The following KCNK10 variants were observed in gnomAD, a reference collection of about 807,000 sequenced individuals.
KCNK10 encodes the protein potassium channel subfamily K member 10.
In KCNK10, 25 loss-of-function variants were observed where a neutral mutation model predicts 47.7. That is an observed-to-expected ratio of 0.52 (90% CI 0.38 to 0.73). KCNK10 has a LOEUF of 0.73. Ranked by LOEUF, KCNK10 falls within the 30% of genes least tolerant of loss-of-function variation. The pLI, the probability that KCNK10 is intolerant of heterozygous loss-of-function variation, is 0.00. For missense variants in KCNK10, 563 were observed against 714.5 expected, an observed-to-expected ratio of 0.79 and a Z score of 2.42; for synonymous variants, 303 against 285.6, an observed-to-expected ratio of 1.06 and a Z score of -0.61.
intron 3 of KCNK10, among the ~76,000 whole-genome samples, chr14:88,229,577 C>T (rs1047712788): frequency 2.0e-5 from 3 of 152,112 alleles, no homozygotes; most frequent in African/African-American, 7.2e-5. Context: ...TGGGTAAGAG[C>T]ATGAGTGATG....
At position 88,181,226 on chromosome 14, in the gene KCNK10, C is replaced by G. The variant is rs1287605949; in HGVS notation, c.*4309G>C. 2 of 166,646 alleles carry G rather than the reference C, an allele frequency of 1.2e-5. No homozygotes were observed. The highest frequency in any genetic ancestry group is 4.8e-5 in the African/African-American group (2 of 42,024). 10.3% of individuals were successfully genotyped at this position (166,646 alleles called of 1,614,324 possible). A position where few individuals can be genotyped will look rare whatever the true frequency, so the allele number is the denominator to read the frequency against. ...CACCCAAACTCTGGTCACCTTCTCA[C>G]TAGTCCTCAGAACCCAGCATGCAAA... On this transcript the variant is annotated 3_prime_UTR_variant, in exon 7 of 7. Transcript: ENST00000319231.
chr14:88,222,711 TA>T, intron 4 of KCNK10, among the ~76,000 whole-genome samples: 1 of 152,288 alleles, frequency 6.6e-6, no homozygotes, highest in East Asian at 1.9e-4. Context: ...GCAACTGCTC[TA>T]AAAAAAGATA....
chr14:88,216,567 T>G lies in KCNK10; in HGVS notation c.681+10808A>C, dbSNP rs1885627440. Among the ~76,000 whole-genome samples, 6 of 152,266 alleles carry G rather than the reference T, an allele frequency of 3.9e-5. 1 individual carries two copies. In the South Asian group the frequency reaches 1.2e-3, roughly 32 times the overall value. On this transcript the variant is annotated intron_variant, in intron 4 of 6. Transcript: ENST00000319231. ...CAATAGTATCGAGGCTGAGCAATCC[T>G]ATGTTAAATGAAGGGAGGAAAGAAG... is the stretch of plus-strand genomic sequence containing the variant.
chr14:88,209,218 T>C (rs146495325), intron 4 of KCNK10, among the ~76,000 whole-genome samples: 1,831 of 152,350 alleles, frequency 0.012, 29 homozygotes, highest in African/African-American at 0.041. Context: ...AACACTTTGA[T>C]GCATTTTTAT....
intron 1 of KCNK10, among the ~76,000 whole-genome samples, chr14:88,265,271 G>T (rs1399313919): frequency 6.6e-6 from 1 of 152,138 alleles, no homozygotes; most frequent in East Asian, 1.9e-4. Flanking sequence ...TTGAGATGGG[G>T]GATGATCTTG....
intron 2 of KCNK10, among the ~76,000 whole-genome samples, chr14:88,258,796 C>A (rs940914414): frequency 1.3e-5 from 2 of 152,184 alleles, no homozygotes; most frequent in African/African-American, 4.8e-5. Flanking sequence ...CCACAGTACC[C>A]CATGAAGTGG....
intron 1 of KCNK10, among the ~76,000 whole-genome samples, chr14:88,318,702 C>A (rs1327021724): frequency 2.0e-5 from 3 of 152,088 alleles, no homozygotes; most frequent in Non-Finnish European, 4.4e-5. Flanking sequence ...AAGATCAGAT[C>A]AAGATGGGGA....
chr14:88,261,724 C>T (rs748703927), intron 2 of KCNK10, among the ~76,000 whole-genome samples: 36 of 151,670 alleles, frequency 2.4e-4, no homozygotes, highest in Non-Finnish European at 2.8e-4. Flanking sequence ...CACACCACTG[C>T]ACTCCAGCCT....
intron 1 of KCNK10, among the ~76,000 whole-genome samples, chr14:88,302,721 A>AAAT (rs1566719312): frequency 7.9e-5 from 12 of 152,104 alleles, no homozygotes; most frequent in African/African-American, 2.7e-4. Context: ...AATAAATAAA[A>AAAT]AAATAAATAA....
chr14:88,320,947 A>G (rs1309130639), intron 1 of KCNK10, among the ~76,000 whole-genome samples: 2 of 152,208 alleles, frequency 1.3e-5, no homozygotes, highest in South Asian at 2.1e-4. Flanking sequence ...TCATATCTCA[A>G]AACACAAGCC....
Position 88,278,540 on chromosome 14 carries a change from T to C in KCNK10, c.53-14989A>G, listed in dbSNP as rs138519836. 1.1e-4 allele frequency among the ~76,000 whole-genome samples: 17 copies of C among 152,322 alleles called. No individual in the cohort carries two copies. The East Asian group carries it at 2.5e-3, about 22-fold the overall frequency. On this transcript the variant is annotated intron_variant, in intron 1 of 6. Transcript: ENST00000319231. The stretch of plus-strand genomic sequence containing the variant: ...GAAAGTACCACATGCAAGCTTGCCA[T>C]GTGAGTGAATGCTAAGTGTTGATGC...
chr14:88,319,510 A>G (rs140857145), intron 1 of KCNK10, among the ~76,000 whole-genome samples: 111 of 152,296 alleles, frequency 7.3e-4, no homozygotes, highest in African/African-American at 2.6e-3. Flanking sequence ...CAGAGACCCA[A>G]ACTCTGTCCA....
chr14:88,318,214 C>T (rs989275294), intron 1 of KCNK10, among the ~76,000 whole-genome samples: 4 of 152,206 alleles, frequency 2.6e-5, no homozygotes, highest in African/African-American at 7.2e-5. Flanking sequence ...AGCTGAGAGG[C>T]GTCCTGCAAT....
At chr14:88,307,146 A>G (rs144531157) in intron 1 of KCNK10, among the ~76,000 whole-genome samples, 66 of 152,322 alleles carry the variant, frequency 4.3e-4, no homozygotes, top group Non-Finnish European at 9.0e-4. Context: ...ATCCCAGCTC[A>G]AGCGCTTTCA....
At chr14:88,231,362 G>T (rs1595094385) in intron 3 of KCNK10, among the ~76,000 whole-genome samples, 1 of 152,246 alleles carries the variant, frequency 6.6e-6, no homozygotes, top group African/African-American at 2.4e-5. Context: ...GTTTGATAGG[G>T]ACAACCCTTA....
chr14:88,197,537 G>GCACTC (rs892084175), intron 4 of KCNK10, among the ~76,000 whole-genome samples: 3 of 113,022 alleles, frequency 2.7e-5, no homozygotes, highest in African/African-American at 1.0e-4. Context: ...TTGCACCACT[G>GCACTC]CACTCCAGCC....
chr14:88,213,574 GC>G (rs1266677753), intron 4 of KCNK10, among the ~76,000 whole-genome samples: 1 of 152,092 alleles, frequency 6.6e-6, no homozygotes, highest in African/African-American at 2.4e-5. Flanking sequence ...ACTTTCACTA[GC>G]CCCAAAATGC....
chr14:88,326,740 GC>G (rs1888673412), upstream of KCNK10: 4 of 440,360 alleles, frequency 9.1e-6, no homozygotes, highest in South Asian at 1.2e-4. Context: ...ACCAATAGTT[GC>G]CCCACCACTT....
chr14:88,193,467 T>C (rs1273109029), intron 4 of KCNK10, among the ~76,000 whole-genome samples: 1 of 152,166 alleles, frequency 6.6e-6, no homozygotes, highest in Admixed American at 6.5e-5. Context: ...TCAGAATTGG[T>C]GCTGGAGACT....
Sources: allele counts gnomAD v4.1 joint callset (sites outside exome capture counted in the v4.1 genomes callset), GRCh38; gene constraint gnomAD v4.1.1; transcripts MANE v1.5; gene names NCBI Gene and HGNC (gene_info 2026-07-23, HGNC 2026-07-21).